The following REV1 variants were observed in gnomAD, a reference collection of about 807,000 sequenced individuals.
REV1 encodes translesion synthesis protein REV1.
Under a neutral mutation model 137.4 loss-of-function variants are expected in REV1, and 42 were observed. The ratio of observed to expected loss-of-function variants is 0.31; its 90% confidence interval spans 0.24 to 0.40. The LOEUF (loss-of-function observed/expected upper bound fraction) is 0.40. REV1 is among the 10% of genes least tolerant of loss of function. The pLI is 1.00. For synonymous variants in REV1, 524 were observed against 519.2 expected (o/e 1.01, Z -0.12); for missense variants, 1,282 against 1,490.1 (o/e 0.86, Z 2.30).
Position 99,400,842 on chromosome 2 carries a change from G to A in REV1, c.*399C>T, listed in dbSNP as rs938876534. ...TCTGAGACCTCTCAGGAATTTCAGA[G>A]CTTAGCAGTCTGGCCTGGAGGTTTT... is the stretch of plus-strand genomic sequence containing the variant. On this transcript the variant is annotated 3_prime_UTR_variant, in exon 23 of 23. Coordinates refer to ENST00000258428, the MANE Select transcript of REV1 (RefSeq NM_016316.4). The A allele has an allele frequency of 6.5e-6, 1 of 154,978 alleles. No individual in the cohort carries two copies. Among genetic ancestry groups the A allele is most frequent in the African/African-American group, 2.4e-5 (1 of 41,468 alleles). 9.6% of individuals were successfully genotyped at this position (154,978 alleles called of 1,614,324 possible).
chr2:99,406,190 T>C, intron 16 of REV1, 84 bp from the exon 17 acceptor site: 14 of 1,395,142 alleles, frequency 1.0e-5, no homozygotes, highest in South Asian at 1.5e-5. Context: ...ATAAAAAAAC[T>C]TTATTACTGA....
intron 22 of REV1, among the ~76,000 whole-genome samples, 186 bp from the exon 23 acceptor site, chr2:99,401,538 G>A (rs1407389132): frequency 6.6e-6 from 1 of 151,576 alleles, no homozygotes; most frequent in African/African-American, 2.4e-5. Context: ...CCTGAGGTCA[G>A]GAGTTTGAGA....
At chr2:99,429,747 A>AAATCACTGGCCTGAATGGCAGGTCTG (rs11275762) in intron 9 of REV1, 93 bp downstream of exon 9, 1 of 769,296 alleles carries the variant, frequency 1.3e-6, no homozygotes, top group African/African-American at 1.9e-5. Context: ...TGTAACATTT[A>AAATCACTGGCCTGAATGGCAGGTCTG]AATCCACTTC....
chr2:99,421,706 G>C, intron 10 of REV1, 53 bp from the exon 11 acceptor site: 11 of 1,551,452 alleles, frequency 7.1e-6, no homozygotes, highest in Non-Finnish European at 8.7e-6. Context: ...CCATCTGGTA[G>C]ACCCAATGTT....
chr2:99,427,515 T>TA (rs1040474229), intron 9 of REV1, among the ~76,000 whole-genome samples: 4 of 152,146 alleles, frequency 2.6e-5, no homozygotes, highest in African/African-American at 9.7e-5. Flanking sequence ...CTGGCCCCAT[T>TA]ATTAAGCTAT....
At chr2:99,468,765 A>G (rs574051521) in intron 1 of REV1, among the ~76,000 whole-genome samples, 6 of 152,370 alleles carry the variant, frequency 3.9e-5, no homozygotes, top group African/African-American at 9.6e-5. Context: ...GAGTGAATAC[A>G]TGAATGCAAA....
intron 13 of REV1, among the ~76,000 whole-genome samples, chr2:99,412,476 A>G (rs960716512): frequency 8.6e-5 from 13 of 151,964 alleles, no homozygotes; most frequent in African/African-American, 3.1e-4. Context: ...TATAATCTCA[A>G]GTTCTCTAAT....
intron 10 of REV1, among the ~76,000 whole-genome samples, chr2:99,422,516 A>G (rs1678817757): frequency 6.6e-6 from 1 of 152,210 alleles, no homozygotes; most frequent in Non-Finnish European, 1.5e-5. Flanking sequence ...TAAGATCTCT[A>G]TTAAAGAAAT....
At position 99,449,327 on chromosome 2, in the gene REV1, T is replaced by G. The variant is rs1682645922; in HGVS notation, c.350+9A>C. ...AATTTATTAATTAAATTTAATAAAT[T>G]AAACTTACCTTTCCACAATCCATTC... On this transcript the variant is annotated intron_variant, in intron 4 of 22. Coordinates refer to ENST00000258428, the MANE Select transcript of REV1 (RefSeq NM_016316.4). 1 of 1,448,856 alleles carries G rather than the reference T, an allele frequency of 6.9e-7. No homozygotes were observed. The highest frequency in any genetic ancestry group is 2.5e-5 in the East Asian group (1 of 40,072). The allele number at this position is 1,448,856 out of a possible 1,614,324, so 89.8% of individuals were successfully genotyped here.
chr2:99,441,468 A>T (rs539275552), intron 5 of REV1, among the ~76,000 whole-genome samples: 44 of 146,286 alleles, frequency 3.0e-4, no homozygotes, highest in African/African-American at 1.0e-3. Context: ...AGCTTAAATT[A>T]AAAAAAAAAA....
At chr2:99,437,069 C>A (rs931242318) in intron 6 of REV1, among the ~76,000 whole-genome samples, 1 of 151,390 alleles carries the variant, frequency 6.6e-6, no homozygotes, top group African/African-American at 2.4e-5. Flanking sequence ...AACCTCAACC[C>A]CTAGGGCTCA....
intron 4 of REV1, among the ~76,000 whole-genome samples, chr2:99,447,729 T>C (rs2104929719): frequency 6.6e-6 from 1 of 152,074 alleles, no homozygotes; most frequent in Admixed American, 6.5e-5. Flanking sequence ...TTTTTTTTTT[T>C]TCTTTTTCCT....
intron 12 of REV1, among the ~76,000 whole-genome samples, chr2:99,416,862 G>A (rs1175673288): frequency 1.1e-4 from 15 of 133,586 alleles, no homozygotes; most frequent in Non-Finnish European, 2.0e-4. Flanking sequence ...GCAGTGAGCC[G>A]AGATCGCACC....
chr2:99,435,476 A>G (rs910079219), intron 7 of REV1: 4 of 157,946 alleles, frequency 2.5e-5, no homozygotes, highest in African/African-American at 9.6e-5. Context: ...TATTTGCTCA[A>G]GAGAAAGCAT....
intron 10 of REV1, among the ~76,000 whole-genome samples, chr2:99,423,578 C>A (rs1678960046): frequency 6.6e-6 from 1 of 152,152 alleles, no homozygotes; most frequent in Non-Finnish European, 1.5e-5. Flanking sequence ...AATATATCTA[C>A]ACTTTTAAAT....
chr2:99,443,895 T>G (rs1431139818), intron 4 of REV1, among the ~76,000 whole-genome samples: 1 of 151,924 alleles, frequency 6.6e-6, no homozygotes, highest in Non-Finnish European at 1.5e-5. Context: ...CAGGCTGGAG[T>G]GCAGTGGCGC....
intron 2 of REV1, 40 bp from the exon 3 acceptor site, chr2:99,462,662 A>AT (rs756817457): frequency 1.3e-6 from 2 of 1,573,562 alleles, no homozygotes; most frequent in Non-Finnish European, 1.7e-6. Context: ...CAAAGGTTAC[A>AT]TTTTCTCCCC....
In REV1 at chr2:99,435,843, C is replaced by G. The variant is rs1268174726; in HGVS notation, c.1312G>C (p.Asp438His). 1.3e-6 allele frequency: 2 copies of G among 1,536,096 alleles called. No homozygotes were observed. Among genetic ancestry groups the G allele is most frequent in the Non-Finnish European group, 1.8e-6 (2 of 1,116,118 alleles). Residue 438 changes from aspartate (D) to histidine (H), a missense_variant, in exon 7 of 23, where the codon GAT becomes CAT. Transcript: ENST00000258428. Reference sequence around the variant, plus strand: ...AAGCAAGAATACAGACCTTTGAGATCTGGTCTATTTCGTATACCCACTGAT... The same window carrying G: ...AAGCAAGAATACAGACCTTTGAGATGTGGTCTATTTCGTATACCCACTGAT... ...FVSVGIRNRP[D>H]LKGKPVAVTS...
intron 8 of REV1, among the ~76,000 whole-genome samples, chr2:99,431,391 G>C (rs2104733017): frequency 6.6e-6 from 1 of 152,078 alleles, no homozygotes; most frequent in African/African-American, 2.4e-5. Flanking sequence ...GTTTTAAAAG[G>C]GTAAATATAA....
Sources: gnomAD v4.1 joint callset for allele counts (sites outside exome capture counted in the v4.1 genomes callset) on GRCh38, gnomAD v4.1.1 for gene constraint, MANE v1.5 for transcripts, NCBI Gene and HGNC (gene_info 2026-07-23, HGNC 2026-07-21) for gene names.